Variants in RIMS2 observed in about 807,000 individuals in gnomAD.
RIMS2 encodes the protein regulating synaptic membrane exocytosis 2.
Under a neutral mutation model 174.4 loss-of-function variants are expected in RIMS2, and 59 were observed. The observed-to-expected ratio is 0.34, with a 90% CI of 0.27 to 0.42. The LOEUF (loss-of-function observed/expected upper bound fraction) is 0.42, where lower values mean the gene tolerates loss of function less well. Among genes scored for constraint, RIMS2 ranks in the 10% least tolerant of loss-of-function variants. The probability of loss-of-function intolerance (pLI) is 1.00; values close to 1 mark genes in which losing one functional copy is unlikely to be tolerated. For missense variants in RIMS2, 1,620 were observed against 1,666.3 expected (o/e 0.97, Z 0.48); for synonymous variants, 606 against 572.5 (o/e 1.06, Z -0.84).
At chr8:103,578,902 G>A (rs938396397) in intron 1 of RIMS2, among the ~76,000 whole-genome samples, 20 of 151,936 alleles carry the variant, frequency 1.3e-4, no homozygotes, top group Non-Finnish European at 2.8e-4. Flanking sequence ...TGAGGCAGGA[G>A]AATCACCCAA....
intron 3 of RIMS2, among the ~76,000 whole-genome samples, chr8:103,812,341 T>TTTTTG (rs2098693404): frequency 1.4e-5 from 2 of 146,348 alleles, no homozygotes; most frequent in East Asian, 2.1e-4. Flanking sequence ...GTTTTTTTTT[T>TTTTTG]TTTTTTTTTT....
intron 1 of RIMS2, among the ~76,000 whole-genome samples, chr8:103,526,679 T>C (rs1586809258): frequency 6.6e-6 from 1 of 152,114 alleles, no homozygotes; most frequent in South Asian, 2.1e-4. Flanking sequence ...TTTAACAGCA[T>C]TAGATACAGC....
At chr8:103,893,879 G>C (rs2099262247) in intron 4 of RIMS2, among the ~76,000 whole-genome samples, 1 of 151,980 alleles carries the variant, frequency 6.6e-6, no homozygotes, top group Admixed American at 6.6e-5. Context: ...ACAGTGTTTT[G>C]AGTAGCATGC....
chr8:103,764,795 C>T (rs2098150477), intron 2 of RIMS2, among the ~76,000 whole-genome samples: 1 of 151,976 alleles, frequency 6.6e-6, no homozygotes, highest in South Asian at 2.1e-4. Flanking sequence ...CTAAACTTAG[C>T]AAACATTTAT....
At chr8:104,083,521 T>C (rs2097470257) in intron 19 of RIMS2, among the ~76,000 whole-genome samples, 1 of 152,218 alleles carries the variant, frequency 6.6e-6, no homozygotes, top group Non-Finnish European at 1.5e-5. Context: ...ATCCATGTAA[T>C]GTTTAAAGAT....
intron 1 of RIMS2, among the ~76,000 whole-genome samples, chr8:103,622,563 T>A (rs1275986003): frequency 6.6e-6 from 1 of 152,148 alleles, no homozygotes; most frequent in East Asian, 1.9e-4. Flanking sequence ...CCACCCAATA[T>A]ACCCTATGAT....
rs2098662427 is a variant in RIMS2, at chr8:104,148,545, T to C, written c.3335-96371T>C. 7 of 1,428,846 alleles carry C rather than the reference T, an allele frequency of 4.9e-6. No homozygotes were observed. In the East Asian group the frequency reaches 9.7e-5, roughly 20 times the overall value. 88.5% of individuals were successfully genotyped at this position (1,428,846 alleles called of 1,614,324 possible). A position where few individuals can be genotyped will look rare whatever the true frequency, so the allele number is the denominator to read the frequency against. On this transcript the variant is annotated intron_variant, in intron 19 of 23. Coordinates refer to ENST00000504942, the Ensembl canonical transcript of RIMS2. ...TATACTCCAAATGTTTTATCTAAAATGCATTTTCTGTCTTTTCCTTTTTAC... is the reference window on the plus strand; with the variant it reads ...TATACTCCAAATGTTTTATCTAAAACGCATTTTCTGTCTTTTCCTTTTTAC...
intron 19 of RIMS2, among the ~76,000 whole-genome samples, chr8:104,063,089 T>C (rs1483431654): frequency 2.0e-5 from 3 of 152,012 alleles, no homozygotes; most frequent in Non-Finnish European, 2.9e-5. Context: ...TATCAATTAT[T>C]TGGATAATTT....
intron 3 of RIMS2, among the ~76,000 whole-genome samples, chr8:103,837,858 A>G (rs925121519): frequency 6.6e-6 from 1 of 151,800 alleles, no homozygotes; most frequent in South Asian, 2.1e-4. Context: ...ATGATTTATA[A>G]TCCTTTGGGT....
chr8:104,190,830 G>T (rs2098993828), intron 19 of RIMS2, among the ~76,000 whole-genome samples: 1 of 151,966 alleles, frequency 6.6e-6, no homozygotes, highest in Admixed American at 6.6e-5. Flanking sequence ...ATTGCTACTG[G>T]CAGACTGAAT....
intron 1 of RIMS2, among the ~76,000 whole-genome samples, chr8:103,603,255 T>G (rs1187072725): frequency 6.6e-6 from 1 of 151,308 alleles, no homozygotes; most frequent in Non-Finnish European, 1.5e-5. Context: ...GTGTTTGGTT[T>G]TTTGTTCTTG....
At chr8:103,586,970 A>G (rs1412951681) in intron 1 of RIMS2, among the ~76,000 whole-genome samples, 1 of 152,110 alleles carries the variant, frequency 6.6e-6, no homozygotes, top group East Asian at 1.9e-4. Context: ...TATGCTATCA[A>G]TATATTATCA....
In RIMS2 at chr8:103,606,329, C is replaced by G. The variant is rs2133971662; in HGVS notation, c.177-90757C>G. Among the ~76,000 whole-genome samples the G allele has an allele frequency of 1.3e-5, 2 of 151,004 alleles. 1 individual carries two copies. The highest frequency in any genetic ancestry group is 4.3e-4 in the South Asian group (2 of 4,686). ...AGCAGTTTTGAGTGAGATTCTTAAT[C>G]CTGAGTTCTAGTTTGATTGCACTGT... On this transcript the variant is annotated intron_variant, in intron 1 of 23. Coordinates refer to ENST00000504942, the Ensembl canonical transcript of RIMS2.
At chr8:104,176,666 T>C (rs549667841) in intron 19 of RIMS2, among the ~76,000 whole-genome samples, 20 of 151,216 alleles carry the variant, frequency 1.3e-4, no homozygotes, top group Non-Finnish European at 2.4e-4. Context: ...TATGAATATA[T>C]AATCATATAT....
chr8:103,954,025 A>G (rs1048483068), intron 14 of RIMS2, among the ~76,000 whole-genome samples: 8 of 152,228 alleles, frequency 5.3e-5, no homozygotes, highest in Non-Finnish European at 1.0e-4. Context: ...ACATAATGGT[A>G]AAGGGTTCAA....
intron 19 of RIMS2, among the ~76,000 whole-genome samples, chr8:104,144,164 C>G (rs74571980): frequency 0.022 from 3,365 of 152,160 alleles, 125 homozygotes; most frequent in African/African-American, 0.076. Flanking sequence ...TTTAACCATT[C>G]AGGATACAAC....
At chr8:103,816,746 G>A (rs2154469724) in intron 3 of RIMS2, among the ~76,000 whole-genome samples, 1 of 152,244 alleles carries the variant, frequency 6.6e-6, no homozygotes, top group East Asian at 1.9e-4. Flanking sequence ...TATAGTGAGA[G>A]CTGGAAAAAT....
chr8:103,974,337 A>G (rs965792364), intron 15 of RIMS2, among the ~76,000 whole-genome samples: 20 of 152,216 alleles, frequency 1.3e-4, no homozygotes, highest in Non-Finnish European at 2.4e-4. Flanking sequence ...AGTGCATAGC[A>G]GAGTTCCTAG....
At chr8:103,548,867 C>T (rs1220394197) in intron 1 of RIMS2, among the ~76,000 whole-genome samples, 1 of 152,062 alleles carries the variant, frequency 6.6e-6, no homozygotes, top group Admixed American at 6.6e-5. Context: ...CATTTTTATA[C>T]ATCAATGATG....
Sources: allele counts gnomAD v4.1 joint callset (sites outside exome capture counted in the v4.1 genomes callset), GRCh38; gene constraint gnomAD v4.1.1; transcripts MANE v1.5; gene names NCBI Gene and HGNC (gene_info 2026-07-23, HGNC 2026-07-21).